The following LRRFIP2 variants were observed in gnomAD, a reference collection of about 807,000 sequenced individuals.
The protein encoded by LRRFIP2 is LRR binding FLII interacting protein 2.
Under a neutral mutation model 125.9 loss-of-function variants are expected in LRRFIP2, and 109 were observed. That is an observed-to-expected ratio of 0.87 (90% CI 0.74 to 1.01). LRRFIP2 has a LOEUF of 1.01. LRRFIP2 is among the 50% of genes least tolerant of loss of function. The probability of loss-of-function intolerance (pLI) is 0.00; values close to 1 mark genes in which losing one functional copy is unlikely to be tolerated. For missense variants in LRRFIP2, 850 were observed against 862.3 expected, an observed-to-expected ratio of 0.99 and a Z score of 0.18; for synonymous variants, 291 against 293.1, an observed-to-expected ratio of 0.99 and a Z score of 0.07.
intron 16 of LRRFIP2, among the ~76,000 whole-genome samples, chr3:37,095,724 C>G (rs2093683933): frequency 6.6e-6 from 1 of 152,146 alleles, no homozygotes; most frequent in South Asian, 2.1e-4. Flanking sequence ...ACCTCTACCT[C>G]CTGGGTTCAG....
At position 37,112,957 on chromosome 3, in the gene LRRFIP2, A is replaced by G. The variant is rs180838064; in HGVS notation, c.396T>C (p.His132=). ...SSLNHSYSHS[H]GMKKRSSDSH... Reference sequence around the variant, plus strand: ...AATCAGAAGACCTCTTCTTCATTCCATGAGAGTGACTGTAAGAATGATTCT... The same window carrying G: ...AATCAGAAGACCTCTTCTTCATTCCGTGAGAGTGACTGTAAGAATGATTCT... The change falls in exon 8 of 28, where the codon CAT becomes CAC. Residue 132 remains histidine (H), a synonymous_variant. Coordinates refer to ENST00000336686, the MANE Select transcript of LRRFIP2 (RefSeq NM_006309.4). 109 of 1,582,764 alleles carry G rather than the reference A, an allele frequency of 6.9e-5. No homozygotes were observed. In the Admixed American group the frequency reaches 9.0e-4, roughly 13 times the overall value.
chr3:37,094,176 T>C (rs2093609540), intron 17 of LRRFIP2, among the ~76,000 whole-genome samples: 1 of 152,208 alleles, frequency 6.6e-6, no homozygotes, highest in Non-Finnish European at 1.5e-5. Context: ...CAATAAATCT[T>C]GAATGAACAA....
chr3:37,079,960 C>A lies in LRRFIP2; in HGVS notation c.1278+3676G>T, dbSNP rs185400007. Among the ~76,000 whole-genome samples the A allele has an allele frequency of 2.5e-4, 38 of 152,172 alleles. No homozygotes were observed. The East Asian group carries it at 5.6e-3, about 22-fold the overall frequency. ...GATGATACTAAAGGGTATATGGTTT[C>A]TTTCTGAGGTAATGAAAACATACTA... On this transcript the variant is annotated intron_variant, in intron 19 of 27. Transcript: ENST00000336686.
intron 2 of LRRFIP2, among the ~76,000 whole-genome samples, chr3:37,141,058 C>T (rs140316912): frequency 2.0e-5 from 3 of 152,242 alleles, no homozygotes; most frequent in East Asian, 1.9e-4. Context: ...GTGGTACATG[C>T]CTGTAGTCCC....
chr3:37,150,067 T>C (rs866815628), intron 1 of LRRFIP2, among the ~76,000 whole-genome samples: 1 of 152,208 alleles, frequency 6.6e-6, no homozygotes. Context: ...TGAAGGTTTA[T>C]TACTCTGCAA....
At chr3:37,108,424 T>C (rs1006289808) in intron 12 of LRRFIP2, among the ~76,000 whole-genome samples, 2 of 152,212 alleles carry the variant, frequency 1.3e-5, no homozygotes, top group Non-Finnish European at 2.9e-5. Context: ...GAAATCATGA[T>C]TTCCAGCAGG....
At chr3:37,166,575 A>T (rs915615972) in intron 1 of LRRFIP2, among the ~76,000 whole-genome samples, 19 of 152,128 alleles carry the variant, frequency 1.2e-4, no homozygotes, top group African/African-American at 4.1e-4. Context: ...AAAGATGCTC[A>T]GCCGGGCATG....
At chr3:37,173,793 T>C (rs896192441) in intron 1 of LRRFIP2, among the ~76,000 whole-genome samples, 10 of 152,208 alleles carry the variant, frequency 6.6e-5, no homozygotes, top group African/African-American at 1.9e-4. Context: ...AATTGCTCCC[T>C]CCCTCTTGCT....
chr3:37,134,502 G>A (rs1343918525), intron 2 of LRRFIP2, among the ~76,000 whole-genome samples: 1 of 152,164 alleles, frequency 6.6e-6, no homozygotes, highest in African/African-American at 2.4e-5. Flanking sequence ...CCACAAAGTT[G>A]TCATGAGAGT....
rs1559812858 is a variant in LRRFIP2, at chr3:37,094,856, G to C, written c.971C>G (p.Ser324Cys). 1 of 1,613,992 alleles carries C rather than the reference G, an allele frequency of 6.2e-7. No homozygotes were observed. ...SATTPLSGNS[S>C]RRGSGDTSSL... ...GCTGGTGTCCCCACTTCCTCGTCTG[G>C]ATGAGTTTCCACTTAGAGGGGTTGT... is the stretch of plus-strand genomic sequence containing the variant. Residue 324 changes from serine to cysteine, a missense_variant, in exon 17 of 28, where the codon TCC becomes TGC. Ser to Cys is a moderately radical substitution (Grantham distance 112). Coordinates refer to ENST00000336686, the MANE Select transcript of LRRFIP2 (RefSeq NM_006309.4).
intron 2 of LRRFIP2, among the ~76,000 whole-genome samples, chr3:37,141,548 A>G (rs1451992999): frequency 6.6e-6 from 1 of 152,206 alleles, no homozygotes; most frequent in African/African-American, 2.4e-5. Context: ...TTGAAACCAA[A>G]CATTTATTTC....
At chr3:37,171,138 G>C (rs1389999483) in intron 1 of LRRFIP2, 10 of 152,304 alleles carry the variant, frequency 6.6e-5, no homozygotes, top group Admixed American at 6.5e-4. Flanking sequence ...GGAAGAAGCA[G>C]GGGAGGAGGA....
chr3:37,128,936 A>G, intron 3 of LRRFIP2, 127 bp downstream of exon 3: 2 of 838,298 alleles, frequency 2.4e-6, no homozygotes, highest in Non-Finnish European at 3.9e-6. Flanking sequence ...TGGCTTGATA[A>G]AATACATACA....
chr3:37,066,123 C>T, intron 22 of LRRFIP2, 101 bp downstream of exon 22: 1 of 1,329,836 alleles, frequency 7.5e-7, no homozygotes, highest in South Asian at 1.2e-5. Flanking sequence ...AGAATAAACA[C>T]TGTAGTTTGT....
chr3:37,059,058 GAC>G, intron 24 of LRRFIP2, 148 bp from the exon 25 acceptor site: 1 of 910,426 alleles, frequency 1.1e-6, no homozygotes, highest in Non-Finnish European at 1.6e-6. Flanking sequence ...CCTAATAGGA[GAC>G]ACACATCGTC....
At chr3:37,075,242 C>G (rs1422697656) in intron 19 of LRRFIP2, 126 bp from the exon 20 acceptor site, 9 of 514,634 alleles carry the variant, frequency 1.7e-5, no homozygotes, top group Non-Finnish European at 3.0e-5. Context: ...TTCATAGTAA[C>G]TTAGAAAAAT....
intron 24 of LRRFIP2, among the ~76,000 whole-genome samples, chr3:37,059,785 C>CA (rs78008596): frequency 1.2e-3 from 172 of 144,522 alleles, no homozygotes; most frequent in African/African-American, 3.9e-3. Context: ...GACTCTGTCT[C>CA]AAAAAAAAAA....
chr3:37,156,630 C>T (rs185990238), intron 1 of LRRFIP2, among the ~76,000 whole-genome samples: 45 of 124,594 alleles, frequency 3.6e-4, no homozygotes, highest in Admixed American at 3.6e-3. Context: ...ACCTAGATTG[C>T]GCCACTGCAC....
In LRRFIP2 at chr3:37,072,501, CAAAAAAAAAAAAAA is replaced by C. The variant is rs907848276; in HGVS notation, c.1464+275_1464+288del. 2.6e-3 allele frequency among the ~76,000 whole-genome samples: 89 copies of C among 34,490 alleles called. No homozygotes were observed. The East Asian group carries it at 0.056, about 22-fold the overall frequency. The allele number at this position is 34,490 out of a possible 152,430, so 22.6% of individuals were successfully genotyped here. A position where few individuals can be genotyped will look rare whatever the true frequency, so the allele number is the denominator to read the frequency against. ...TGGGCAACAGAGTGAGACTCCGTCT[CAAAAAAAAAAAAAA>C]AAAAAAAAAAAGAATCCTAAGGGAA... On this transcript the variant is annotated intron_variant, in intron 21 of 27. Transcript: ENST00000336686.
Sources: gnomAD v4.1 joint callset for allele counts (sites outside exome capture counted in the v4.1 genomes callset) on GRCh38, gnomAD v4.1.1 for gene constraint, MANE v1.5 for transcripts, NCBI Gene and HGNC (gene_info 2026-07-23, HGNC 2026-07-21) for gene names.